The following SLIT2 variants were observed in gnomAD, a reference collection of about 807,000 sequenced individuals.
The protein encoded by SLIT2 is slit homolog 2 protein.
SLIT2 carries 41 observed loss-of-function variants against 185.7 expected under a neutral mutation model. The observed-to-expected ratio is 0.22, with a 90% CI of 0.17 to 0.29. The LOEUF is 0.29. SLIT2 is among the 10% of genes least tolerant of loss of function. SLIT2 has a pLI of 1.00. For missense variants in SLIT2, 1,571 were observed against 1,909.0 expected, an observed-to-expected ratio of 0.82 and a Z score of 3.30; for synonymous variants, 693 against 680.2, an observed-to-expected ratio of 1.02 and a Z score of -0.29.
At position 20,548,071 on chromosome 4, in the gene SLIT2, T is replaced by C. The variant is rs578082184; in HGVS notation, c.2346-417T>C. 5.9e-5 allele frequency among the ~76,000 whole-genome samples: 9 copies of C among 152,196 alleles called. No individual in the cohort carries two copies. In the South Asian group the frequency reaches 8.3e-4, roughly 14 times the overall value. On this transcript the variant is annotated intron_variant, in intron 22 of 36. Transcript: ENST00000504154. ...AAGTATGTGTATCTGATAGGACTTT[T>C]GAAGATAAGGGTTTATTTCCCACCG...
At chr4:20,605,123 C>T (rs564177882) in intron 33 of SLIT2, among the ~76,000 whole-genome samples, 10 of 152,116 alleles carry the variant, frequency 6.6e-5, no homozygotes, top group African/African-American at 1.7e-4. Flanking sequence ...CGTGAGCCAC[C>T]GCACCCAGCC....
chr4:20,290,771 T>C (rs1715723907), intron 4 of SLIT2, among the ~76,000 whole-genome samples: 1 of 148,972 alleles, frequency 6.7e-6, no homozygotes, highest in South Asian at 2.2e-4. Context: ...TTTTTTTTTC[T>C]GATTACACTC....
At chr4:20,613,089 G>T (rs1380592008) in intron 34 of SLIT2, among the ~76,000 whole-genome samples, 1 of 152,118 alleles carries the variant, frequency 6.6e-6, no homozygotes, top group African/African-American at 2.4e-5. Context: ...GTGGAAAACA[G>T]TGTGGCGATT....
intron 9 of SLIT2, among the ~76,000 whole-genome samples, chr4:20,494,811 C>G (rs1007190530): frequency 6.6e-6 from 1 of 150,946 alleles, no homozygotes; most frequent in Non-Finnish European, 1.5e-5. Context: ...ATAATACAGA[C>G]TATAATAATT....
intron 36 of SLIT2, 82 bp downstream of exon 36, chr4:20,617,732 T>TC: frequency 1.7e-5 from 8 of 467,738 alleles, no homozygotes; most frequent in African/African-American, 5.1e-5. Flanking sequence ...GGAGAAAAAG[T>TC]GAAAAAAAAA....
At position 20,519,388 on chromosome 4, in the gene SLIT2, C is replaced by T. The variant is rs151000636; in HGVS notation, c.1065C>T (p.Leu355=). The part of the protein sequence containing the change: ...QGLRSLNSLV[L]YGNKITELPK... ...TTTAAAATATTTTTTTCAGTGTCCTCTATGGAAATAAAATCACAGAACTCC... is the reference window on the plus strand; with the variant it reads ...TTTAAAATATTTTTTTCAGTGTCCTTTATGGAAATAAAATCACAGAACTCC... Residue 355 remains leucine (L), a synonymous_variant, in exon 12 of 37, where the codon CTC becomes CTT. Coordinates refer to ENST00000504154, the MANE Select transcript of SLIT2 (RefSeq NM_004787.4). 74 of 1,543,064 alleles carry T rather than the reference C, an allele frequency of 4.8e-5. No individual in the cohort carries two copies. The highest frequency in any genetic ancestry group is 6.3e-5 in the Non-Finnish European group (70 of 1,117,516).
chr4:20,417,660 T>C (rs775350238), intron 4 of SLIT2, among the ~76,000 whole-genome samples: 1 of 151,666 alleles, frequency 6.6e-6, no homozygotes, highest in Non-Finnish European at 1.5e-5. Context: ...TAGCTGGGAC[T>C]ATAGGCGCAC....
rs1191073247 is a variant in SLIT2, at chr4:20,484,231, G to A, written c.540-1969G>A. Among the ~76,000 whole-genome samples, 3 of 152,014 alleles carry A rather than the reference G, an allele frequency of 2.0e-5. No individual in the cohort carries two copies. Among genetic ancestry groups the A allele is most frequent in the East Asian group, 3.9e-4 (2 of 5,172 alleles). On this transcript the variant is annotated intron_variant, in intron 6 of 36. Transcript: ENST00000504154. The surrounding 1 kb of genome is among the most constrained non-coding windows in gnomAD (Gnocchi z 4.3). The stretch of plus-strand genomic sequence containing the variant: ...AATGCTATATACTATAAAGATTTTA[G>A]CCATATTAAGTCAGCATAAATTTTG...
chr4:20,573,027 G>C (rs1161933848), intron 29 of SLIT2, among the ~76,000 whole-genome samples: 2 of 152,134 alleles, frequency 1.3e-5, no homozygotes, highest in Non-Finnish European at 2.9e-5. Flanking sequence ...CAGACCTCTA[G>C]CTCCCTGTGA....
At chr4:20,551,432 C>G (rs1723745583) in intron 25 of SLIT2, among the ~76,000 whole-genome samples, 1 of 152,138 alleles carries the variant, frequency 6.6e-6, no homozygotes, top group African/African-American at 2.4e-5. Flanking sequence ...TTTATGTTTT[C>G]TCTGATCACA....
intron 4 of SLIT2, among the ~76,000 whole-genome samples, chr4:20,289,657 A>G (rs1332802882): frequency 6.6e-6 from 1 of 152,176 alleles, no homozygotes; most frequent in Non-Finnish European, 1.5e-5. Flanking sequence ...TGCCTCCTTT[A>G]AACTATGAGC....
chr4:20,594,975 G>A (rs569091809), intron 30 of SLIT2, among the ~76,000 whole-genome samples: 1 of 152,282 alleles, frequency 6.6e-6, no homozygotes, highest in Admixed American at 6.5e-5. Flanking sequence ...GCCAGAGGAA[G>A]TGCTCAGTGA....
chr4:20,430,154 T>TAAAAAAAAAAAAA lies in SLIT2; in HGVS notation c.396-37593_396-37592insAAAAAAAAAAAAA, dbSNP rs1381853603. ...TATTTTTAGATTAGTATACATGTTT[T>TAAAAAAAAAAAAA]AAAAATTCTTTTTTTCTTATTGCTT... On this transcript the variant is annotated intron_variant, in intron 4 of 36. Transcript: ENST00000504154. Among the ~76,000 whole-genome samples, 613 of 152,214 alleles carry TAAAAAAAAAAAAA rather than the reference T, an allele frequency of 4.0e-3. 5 individuals carry two copies. Among genetic ancestry groups the TAAAAAAAAAAAAA allele is most frequent in the Middle Eastern group, 6.8e-3 (2 of 292 alleles).
Position 20,318,364 on chromosome 4 carries a change from C to T in SLIT2, c.395+49483C>T, listed in dbSNP as rs144496475. 2.4e-3 allele frequency among the ~76,000 whole-genome samples: 368 copies of T among 152,234 alleles called. 1 individual carries two copies. The highest frequency in any genetic ancestry group is 4.1e-3 in the Admixed American group (63 of 15,290). ...GCTGAATTTGCATTTCTTATTTTAG[C>T]AGCAGTGAATTGCTGAGCATATGTT... On this transcript the variant is annotated intron_variant, in intron 4 of 36. Transcript: ENST00000504154.
At chr4:20,552,576 TA>T (rs951541082) in intron 25 of SLIT2, 2 of 152,094 alleles carry the variant, frequency 1.3e-5, no homozygotes, top group African/African-American at 4.8e-5. Flanking sequence ...ATCAAATGAC[TA>T]AAAAACATCA....
chr4:20,342,575 C>G (rs4697163), intron 4 of SLIT2, among the ~76,000 whole-genome samples: 27,883 of 151,906 alleles, frequency 0.18, 3,872 homozygotes, highest in African/African-American at 0.4. Flanking sequence ...TAGCATAAAT[C>G]TAATTAATCT....
chr4:20,557,666 AT>A (rs1312610785), intron 26 of SLIT2, among the ~76,000 whole-genome samples: 1 of 152,074 alleles, frequency 6.6e-6, no homozygotes, highest in Non-Finnish European at 1.5e-5. Context: ...TAAAGGAATA[AT>A]TTTGATTTTC....
At chr4:20,515,055 G>A (rs953264701) in intron 11 of SLIT2, among the ~76,000 whole-genome samples, 1 of 152,026 alleles carries the variant, frequency 6.6e-6, no homozygotes, top group African/African-American at 2.4e-5. Flanking sequence ...GTAACAAAAC[G>A]TTTTAAGTGT....
chr4:20,388,875 A>G (rs1725163091), intron 4 of SLIT2, among the ~76,000 whole-genome samples: 1 of 145,850 alleles, frequency 6.9e-6, no homozygotes, highest in South Asian at 2.1e-4. Context: ...TATAATATAT[A>G]ATATATATAA....
Sources: gnomAD v4.1 joint callset for allele counts (sites outside exome capture counted in the v4.1 genomes callset) on GRCh38, gnomAD v4.1.1 for gene constraint, Gnocchi (gnomAD v3.1) non-coding constraint, MANE v1.5 for transcripts, NCBI Gene and HGNC (gene_info 2026-07-23, HGNC 2026-07-21) for gene names.